The following PTPRD variants were observed in gnomAD, a reference collection of about 807,000 sequenced individuals.
The protein encoded by PTPRD is protein tyrosine phosphatase receptor type D.
In PTPRD, 34 loss-of-function variants were observed where a neutral mutation model predicts 214.5. The observed-to-expected ratio is 0.16, with a 90% CI of 0.12 to 0.21. The LOEUF (loss-of-function observed/expected upper bound fraction) is 0.21, where lower values mean the gene tolerates loss of function less well. Ranked by LOEUF, PTPRD falls within the 10% of genes least tolerant of loss-of-function variation. The pLI is 1.00. For missense variants in PTPRD, 2,545 were observed against 2,398.7 expected, an observed-to-expected ratio of 1.06 and a Z score of -1.27; for synonymous variants, 1,128 against 845.7, an observed-to-expected ratio of 1.33 and a Z score of -5.79.
At chr9:10,303,438 C>CA (rs199584172) in intron 3 of PTPRD, among the ~76,000 whole-genome samples, 82 of 149,814 alleles carry the variant, frequency 5.5e-4, no homozygotes, top group Admixed American at 6.6e-4. Flanking sequence ...GATAGAAACA[C>CA]AAAAAAAAAC....
intron 4 of PTPRD, among the ~76,000 whole-genome samples, chr9:9,974,587 C>A (rs879769715): frequency 6.6e-6 from 1 of 152,098 alleles, no homozygotes; most frequent in Non-Finnish European, 1.5e-5. Context: ...CCTAATTACC[C>A]CACTAATTTC....
chr9:9,503,485 C>G (rs532310324), intron 8 of PTPRD, among the ~76,000 whole-genome samples: 82 of 151,634 alleles, frequency 5.4e-4, no homozygotes, highest in African/African-American at 1.9e-3. Flanking sequence ...TATCTGGGCT[C>G]ATAACTGTAA....
chr9:10,283,149 A>G (rs202043120), intron 3 of PTPRD, among the ~76,000 whole-genome samples: 4 of 139,072 alleles, frequency 2.9e-5, no homozygotes, highest in Admixed American at 7.6e-5. Flanking sequence ...CACACACACA[A>G]ACACAACTAC....
intron 8 of PTPRD, among the ~76,000 whole-genome samples, chr9:9,410,617 G>T (rs900437737): frequency 6.6e-6 from 1 of 152,234 alleles, no homozygotes; most frequent in Middle Eastern, 3.4e-3. Flanking sequence ...TTTTGCTGGT[G>T]GAGGGAAAAG....
At chr9:9,150,349 T>G (rs1215383859) in intron 10 of PTPRD, among the ~76,000 whole-genome samples, 2 of 150,958 alleles carry the variant, frequency 1.3e-5, no homozygotes, top group Non-Finnish European at 2.9e-5. Flanking sequence ...GGGGATATAG[T>G]GATAAATAGT....
intron 9 of PTPRD, among the ~76,000 whole-genome samples, chr9:9,320,033 T>G (rs928260325): frequency 2.6e-5 from 4 of 152,176 alleles, no homozygotes; most frequent in Non-Finnish European, 4.4e-5. Flanking sequence ...TCATCACTAA[T>G]GTTTGAAAAC....
intron 8 of PTPRD, among the ~76,000 whole-genome samples, chr9:9,406,679 G>C (rs770725576): frequency 2.0e-5 from 3 of 151,828 alleles, no homozygotes; most frequent in Non-Finnish European, 4.4e-5. Flanking sequence ...GCAGGGAGCA[G>C]GATTGAAAGA....
At chr9:9,019,012 C>A (rs2099548385) in intron 10 of PTPRD, among the ~76,000 whole-genome samples, 1 of 152,032 alleles carries the variant, frequency 6.6e-6, no homozygotes, top group Non-Finnish European at 1.5e-5. Context: ...ATCCCCTAAT[C>A]AAAATTATAT....
chr9:8,934,186 A>T (rs940958694), intron 11 of PTPRD, among the ~76,000 whole-genome samples: 4 of 151,462 alleles, frequency 2.6e-5, no homozygotes, highest in African/African-American at 7.3e-5. Context: ...AAGATGAGAT[A>T]ATATGGAAAA....
At chr9:8,500,039 C>A (rs2097359528) in intron 24 of PTPRD, among the ~76,000 whole-genome samples, 199 bp from the exon 25 acceptor site, 2 of 65,528 alleles carry the variant, frequency 3.1e-5, no homozygotes, top group Admixed American at 1.7e-4. Context: ...GATCAAAAAA[C>A]ATGACCGATG....
chr9:9,832,766 G>T (rs531410236), intron 5 of PTPRD, among the ~76,000 whole-genome samples: 97 of 152,122 alleles, frequency 6.4e-4, no homozygotes, highest in African/African-American at 2.3e-3. Context: ...CAGCCATCCA[G>T]TGATGATGAG....
intron 7 of PTPRD, among the ~76,000 whole-genome samples, chr9:9,665,406 A>C (rs2096703170): frequency 6.6e-6 from 1 of 151,840 alleles, no homozygotes; most frequent in Admixed American, 6.6e-5. Context: ...TTTTTTATTT[A>C]ATATCAAAAC....
At chr9:10,048,694 C>T (rs929420945) in intron 3 of PTPRD, among the ~76,000 whole-genome samples, 1 of 152,020 alleles carries the variant, frequency 6.6e-6, no homozygotes, top group African/African-American at 2.4e-5. Flanking sequence ...TTTCCTATAA[C>T]TTTTCATTCA....
chr9:9,025,940 G>A (rs1346248789), intron 10 of PTPRD, among the ~76,000 whole-genome samples: 5 of 151,898 alleles, frequency 3.3e-5, no homozygotes, highest in Non-Finnish European at 7.4e-5. Flanking sequence ...AGAAATTATA[G>A]TCCGCTCAGA....
chr9:9,954,532 A>C (rs998721890), intron 4 of PTPRD, among the ~76,000 whole-genome samples: 3 of 149,464 alleles, frequency 2.0e-5, no homozygotes, highest in African/African-American at 7.3e-5. Context: ...TAAATTTTTC[A>C]TAGTTTAAAA....
chr9:9,685,461 C>A (rs966960184), intron 7 of PTPRD, among the ~76,000 whole-genome samples: 1 of 151,258 alleles, frequency 6.6e-6, no homozygotes, highest in Non-Finnish European at 1.5e-5. Context: ...ATTACTTTTA[C>A]ATTTCATGAT....
intron 3 of PTPRD, among the ~76,000 whole-genome samples, chr9:10,218,472 A>G (rs1300950536): frequency 6.6e-6 from 1 of 151,960 alleles, no homozygotes; most frequent in Non-Finnish European, 1.5e-5. Context: ...TTTAGCCTTT[A>G]GTATTTTAAT....
chr9:9,800,453 C>A (rs1050872915), intron 5 of PTPRD: 9 of 152,174 alleles, frequency 5.9e-5, no homozygotes, highest in African/African-American at 2.2e-4. Flanking sequence ...TCCTGAATCA[C>A]AGGATCCCTG....
chr9:9,234,397 C>A (rs531084544), intron 9 of PTPRD, among the ~76,000 whole-genome samples: 8 of 152,246 alleles, frequency 5.3e-5, no homozygotes, highest in African/African-American at 1.7e-4. Flanking sequence ...GCTTCCAGGT[C>A]TGTGGACAGG....
Sources: allele counts gnomAD v4.1 joint callset (sites outside exome capture counted in the v4.1 genomes callset), GRCh38; gene constraint gnomAD v4.1.1; transcripts MANE v1.5; gene names NCBI Gene and HGNC (gene_info 2026-07-23, HGNC 2026-07-21).